DOCK2: variants seen among roughly 807,000 people sequenced by gnomAD.
DOCK2 encodes the protein dedicator of cytokinesis 2, also known as dedicator of cytokinesis protein 2.
Under a neutral mutation model 248.9 loss-of-function variants are expected in DOCK2, and 87 were observed. The observed-to-expected ratio is 0.35, with a 90% confidence interval of 0.29 to 0.42. DOCK2 has a LOEUF of 0.42. Among genes scored for constraint, DOCK2 ranks in the 10% least tolerant of loss-of-function variants. The pLI, the probability that DOCK2 is intolerant of heterozygous loss-of-function variation, is 1.00. For synonymous variants in DOCK2, 805 were observed against 821.6 expected (o/e 0.98, Z 0.35); for missense variants, 1,747 against 2,300.2 (o/e 0.76, Z 4.92).
At chr5:169,859,427 T>C (rs917222499) in intron 27 of DOCK2, among the ~76,000 whole-genome samples, 2 of 152,242 alleles carry the variant, frequency 1.3e-5, no homozygotes, top group Non-Finnish European at 2.9e-5. Context: ...CTGACAGTGT[T>C]GGATTAGGAT....
At chr5:169,765,677 A>G (rs937907948) in intron 25 of DOCK2, among the ~76,000 whole-genome samples, 1 of 152,330 alleles carries the variant, frequency 6.6e-6, no homozygotes, top group East Asian at 1.9e-4. Flanking sequence ...TCCAAAACAA[A>G]CACAGAGAGA....
At chr5:169,779,807 C>G (rs571253955) in intron 25 of DOCK2, among the ~76,000 whole-genome samples, 1 of 152,090 alleles carries the variant, frequency 6.6e-6, no homozygotes, top group African/African-American at 2.4e-5. Context: ...CTGAACAACT[C>G]GCATCAGCTT....
At chr5:170,027,753 C>A in intron 33 of DOCK2, 110 bp from the exon 34 acceptor site, 1 of 989,132 alleles carries the variant, frequency 1.0e-6, no homozygotes, top group Non-Finnish European at 1.5e-6. Flanking sequence ...CAGCACTCAA[C>A]CTGGGAGATA....
At chr5:169,766,157 T>C (rs994433432) in intron 25 of DOCK2, among the ~76,000 whole-genome samples, 5 of 152,174 alleles carry the variant, frequency 3.3e-5, no homozygotes, top group Non-Finnish European at 7.3e-5. Flanking sequence ...CATGTGCAGA[T>C]AATTTTGTCA....
At chr5:170,057,723 C>T in intron 44 of DOCK2, 57 bp downstream of exon 44, 1 of 1,477,586 alleles carries the variant, frequency 6.8e-7, no homozygotes, top group Non-Finnish European at 9.2e-7. Context: ...AGGGCACAGC[C>T]AGTCTCCAAA....
At chr5:169,979,249 G>A (rs1303357627) in intron 27 of DOCK2, among the ~76,000 whole-genome samples, 1 of 152,174 alleles carries the variant, frequency 6.6e-6, no homozygotes, top group African/African-American at 2.4e-5. Context: ...CAACGTCAGT[G>A]TTAGGGCTGT....
chr5:169,792,569 C>T (rs186101982), intron 25 of DOCK2, among the ~76,000 whole-genome samples: 38 of 152,094 alleles, frequency 2.5e-4, no homozygotes, highest in Admixed American at 5.2e-4. Flanking sequence ...ATCTCAGTGT[C>T]CCGAGTAGCT....
intron 27 of DOCK2, among the ~76,000 whole-genome samples, chr5:169,886,377 C>A (rs1215663839): frequency 6.6e-6 from 1 of 152,202 alleles, no homozygotes; most frequent in Non-Finnish European, 1.5e-5. Context: ...AGAATTGGTT[C>A]TATGTTTCAA....
At chr5:169,722,115 G>A (rs1202757319) in intron 22 of DOCK2, among the ~76,000 whole-genome samples, 3 of 152,174 alleles carry the variant, frequency 2.0e-5, no homozygotes, top group Admixed American at 6.5e-5. Context: ...GAGCTCCTGG[G>A]AGGTATTGAG....
intron 30 of DOCK2, among the ~76,000 whole-genome samples, chr5:170,002,019 C>T (rs1754851030): frequency 6.6e-6 from 1 of 152,046 alleles, no homozygotes; most frequent in Non-Finnish European, 1.5e-5. Context: ...GGTAGGGTAC[C>T]TTGTCCATGA....
Position 170,069,221 on chromosome 5 carries a change from G to A in DOCK2, c.4728+1G>A. On this transcript the variant is annotated splice_donor_variant, in intron 46 of 51. Coordinates refer to ENST00000520908, the MANE Select transcript of DOCK2 (RefSeq NM_004946.3). LOFTEE classifies it high-confidence loss of function. ...CCTCAAGGACCTGATTGCATGGCAG[G>A]TGAGGCAGCGCTGGCCAGGGGAGCA... The A allele has an allele frequency of 6.2e-7, 1 of 1,613,728 alleles. No homozygotes were observed. The highest frequency in any genetic ancestry group is 8.5e-7 in the Non-Finnish European group (1 of 1,179,862).
rs535244796 is a variant in DOCK2 at position 169,904,636 on chromosome 5, A to G, written c.2799+63784A>G. 3.3e-5 allele frequency among the ~76,000 whole-genome samples: 5 copies of G among 152,246 alleles called. No individual in the cohort carries two copies. The East Asian group carries it at 9.6e-4, about 29-fold the overall frequency. On this transcript the variant is annotated intron_variant, in intron 27 of 51. Transcript: ENST00000520908. ...GGCCTTCCAACCAGCCTCTCCCCCT[A>G]GTGAGGGCCCCGCAGTCCTTTAAGA...
Position 169,747,381 on chromosome 5 carries a change from T to A in DOCK2, c.2268-15T>A, listed in dbSNP as rs369813573. ...CTGTTAGCTTGAGAAATGACCCAGA[T>A]GTATCTTGTTTCAGGCTTTATGAAG... is the stretch of plus-strand genomic sequence containing the variant. On this transcript the variant is annotated splice_polypyrimidine_tract_variant and intron_variant, in intron 22 of 51. Transcript: ENST00000520908. 35 of 1,607,000 alleles carry A rather than the reference T, an allele frequency of 2.2e-5. No homozygotes were observed. Among genetic ancestry groups the A allele is most frequent in the Non-Finnish European group, 2.6e-5 (30 of 1,176,460 alleles).
chr5:170,004,618 G>A lies in DOCK2; in HGVS notation c.3073-3879G>A, dbSNP rs200062809. ...TGCTGCTATAAAGACACATGCACAC[G>A]TATGTTTATTGTGGCATTATTCACA... is the stretch of plus-strand genomic sequence containing the variant. On this transcript the variant is annotated intron_variant, in intron 30 of 51. Coordinates refer to ENST00000520908, the MANE Select transcript of DOCK2 (RefSeq NM_004946.3). Among the ~76,000 whole-genome samples, 560 of 150,090 alleles carry A rather than the reference G, an allele frequency of 3.7e-3. 20 individuals are homozygous for A. The East Asian group carries it at 0.088, about 23-fold the overall frequency.
chr5:170,077,758 T>A lies in DOCK2; in HGVS notation c.4915T>A (p.Ser1639Thr), dbSNP rs745353055. The change falls in exon 48 of 52, where the codon TCA becomes ACA. Residue 1639 changes from serine to threonine, a missense_variant. Physicochemically the swap from Ser to Thr is moderately conservative, Grantham distance 58. Transcript: ENST00000520908. ...RVGRPRSMLR[S>T]YRQMSIISLA... is the part of the protein sequence containing the mutation. ...GGGCCGTCCCAGGTCTATGCTGCGC[T>A]CATACAGACAGATGTCCATCATCTC... 6.8e-6 allele frequency: 11 copies of A among 1,613,850 alleles called. 1 individual carries two copies. Among genetic ancestry groups the A allele is most frequent in the Non-Finnish European group, 8.5e-7 (1 of 1,180,006 alleles).
chr5:169,809,266 C>T (rs1767593417), intron 26 of DOCK2, among the ~76,000 whole-genome samples: 1 of 152,198 alleles, frequency 6.6e-6, no homozygotes, highest in East Asian at 1.9e-4. Context: ...GCTGGGATTA[C>T]AGGCATGAGC....
chr5:169,815,644 A>C (rs540836145), intron 26 of DOCK2, among the ~76,000 whole-genome samples: 1 of 152,294 alleles, frequency 6.6e-6, no homozygotes, highest in East Asian at 1.9e-4. Context: ...TTTTTGCATT[A>C]ATTTTTTAAA....
intron 39 of DOCK2, 134 bp from the exon 40 acceptor site, chr5:170,047,376 G>A (rs1756751480): frequency 1.5e-6 from 1 of 681,946 alleles, no homozygotes; most frequent in Non-Finnish European, 2.5e-6. Flanking sequence ...TATAGACATA[G>A]CACAGATATG....
chr5:169,807,466 A>T (rs992174218), intron 26 of DOCK2, among the ~76,000 whole-genome samples: 4 of 152,134 alleles, frequency 2.6e-5, no homozygotes, highest in African/African-American at 9.7e-5. Context: ...TTCACTGGAA[A>T]TAGAGGAATA....
Sources: gnomAD v4.1 joint callset for allele counts (sites outside exome capture counted in the v4.1 genomes callset) on GRCh38, gnomAD v4.1.1 for gene constraint, MANE v1.5 for transcripts, NCBI Gene and HGNC (gene_info 2026-07-23, HGNC 2026-07-21) for gene names.